Variants in ERC2 observed in about 807,000 individuals in gnomAD.
ERC2 encodes ERC protein 2.
In ERC2, 42 loss-of-function variants were observed where a neutral mutation model predicts 114.8. That is an observed-to-expected ratio of 0.37 (90% CI 0.29 to 0.47). The LOEUF is 0.47. ERC2 is among the 20% of genes least tolerant of loss of function. ERC2 has a pLI of 0.99. For synonymous variants in ERC2, 454 were observed against 425.5 expected (o/e 1.07, Z -0.82); for missense variants, 939 against 1,150.7 (o/e 0.82, Z 2.66).
At chr3:55,677,746 T>A (rs939249591) in intron 17 of ERC2, among the ~76,000 whole-genome samples, 1 of 152,174 alleles carries the variant, frequency 6.6e-6, no homozygotes, top group Admixed American at 6.5e-5. Flanking sequence ...GGCCCCTCTA[T>A]CTGCTGAGGA....
At chr3:56,042,309 G>A (rs2075237660) in intron 7 of ERC2, among the ~76,000 whole-genome samples, 1 of 152,228 alleles carries the variant, frequency 6.6e-6, no homozygotes, top group African/African-American at 2.4e-5. Flanking sequence ...AACTCACTGT[G>A]TTGGTAAATA....
At chr3:56,316,351 C>A (rs1456452553) in intron 2 of ERC2, among the ~76,000 whole-genome samples, 1 of 152,086 alleles carries the variant, frequency 6.6e-6, no homozygotes, top group Non-Finnish European at 1.5e-5. Context: ...ATAGTATCTG[C>A]GAAGCAACTC....
intron 2 of ERC2, among the ~76,000 whole-genome samples, chr3:56,351,893 C>A (rs13098894): frequency 0.31 from 46,615 of 152,066 alleles, 7,290 homozygotes; most frequent in Admixed American, 0.34. Flanking sequence ...ATTACAGACA[C>A]GTAATAAGTC....
At chr3:56,422,283 T>C (rs951593618) in intron 2 of ERC2, among the ~76,000 whole-genome samples, 9 of 152,188 alleles carry the variant, frequency 5.9e-5, no homozygotes, top group Admixed American at 5.9e-4. Flanking sequence ...TCTGCTCTTG[T>C]AGATTCAGGG....
intron 17 of ERC2, among the ~76,000 whole-genome samples, chr3:55,575,152 T>G (rs1226196302): frequency 6.6e-6 from 1 of 152,160 alleles, no homozygotes; most frequent in East Asian, 1.9e-4. Context: ...GTAGCTGGGA[T>G]TACAGGCATG....
At position 56,327,600 on chromosome 3, in the gene ERC2, A is replaced by C. The variant is rs910525182; in HGVS notation, c.658-31165T>G. ...CTGAGGCAGAAGAATCGCTTGAACC[A>C]GGGAGGCGTAGGTTGCAATGAGCTG... On this transcript the variant is annotated intron_variant, in intron 2 of 17. Coordinates refer to ENST00000288221, the MANE Select transcript of ERC2 (RefSeq NM_015576.3). 2.0e-5 allele frequency among the ~76,000 whole-genome samples: 3 copies of C among 152,148 alleles called. No individual in the cohort carries two copies. In the South Asian group the frequency reaches 6.2e-4, roughly 32 times the overall value.
chr3:56,006,500 A>G (rs1265780309), intron 10 of ERC2, among the ~76,000 whole-genome samples: 1 of 152,036 alleles, frequency 6.6e-6, no homozygotes, highest in African/African-American at 2.4e-5. Flanking sequence ...TATGTGAACA[A>G]TGAGTGCAGA....
chr3:55,988,977 G>A (rs907164030), intron 11 of ERC2, among the ~76,000 whole-genome samples: 1 of 152,234 alleles, frequency 6.6e-6, no homozygotes, highest in Non-Finnish European at 1.5e-5. Flanking sequence ...GGCAGGCCAA[G>A]GCTGAGCCCT....
chr3:55,977,011 C>T (rs949547648), intron 12 of ERC2, among the ~76,000 whole-genome samples: 1 of 152,220 alleles, frequency 6.6e-6, no homozygotes, highest in East Asian at 1.9e-4. Flanking sequence ...AGAGAGAAGG[C>T]TCTATCCATG....
At chr3:55,562,211 G>C (rs1302664948) in intron 17 of ERC2, among the ~76,000 whole-genome samples, 1 of 150,874 alleles carries the variant, frequency 6.6e-6, no homozygotes, top group Non-Finnish European at 1.5e-5. Context: ...GAGTGCAATG[G>C]TGTGATCCCT....
chr3:56,429,671 T>G (rs941521152), intron 2 of ERC2, among the ~76,000 whole-genome samples: 33 of 152,208 alleles, frequency 2.2e-4, no homozygotes, highest in African/African-American at 7.2e-4. Flanking sequence ...GTATTTATAT[T>G]CATGTAGAGC....
intron 14 of ERC2, among the ~76,000 whole-genome samples, chr3:55,786,294 C>T (rs1352451175): frequency 6.6e-6 from 1 of 152,208 alleles, no homozygotes; most frequent in African/African-American, 2.4e-5. Context: ...ATAGAGCTTT[C>T]TACCCACTGA....
intron 2 of ERC2, 117 bp downstream of exon 2, chr3:56,434,234 A>G: frequency 8.2e-6 from 7 of 854,502 alleles, no homozygotes; most frequent in South Asian, 6.9e-5. Flanking sequence ...ATACTAAGCC[A>G]TAACCTTCTT....
At chr3:55,756,455 C>T (rs2067065575) in intron 14 of ERC2, among the ~76,000 whole-genome samples, 1 of 152,144 alleles carries the variant, frequency 6.6e-6, no homozygotes, top group Non-Finnish European at 1.5e-5. Flanking sequence ...CCATGGGACA[C>T]AAGGAATGGG....
chr3:55,922,699 G>A (rs1279571906), intron 13 of ERC2, among the ~76,000 whole-genome samples: 2 of 152,078 alleles, frequency 1.3e-5, no homozygotes, highest in African/African-American at 4.8e-5. Context: ...ATTCCCAGCT[G>A]AAACTGCATC....
intron 12 of ERC2, among the ~76,000 whole-genome samples, chr3:55,959,675 T>G (rs1424113579): frequency 6.6e-6 from 1 of 152,184 alleles, no homozygotes; most frequent in East Asian, 1.9e-4. Context: ...ACCAAACAAA[T>G]TTCTTATCAC....
intron 13 of ERC2, among the ~76,000 whole-genome samples, chr3:55,905,373 G>A (rs533444314): frequency 2.5e-4 from 38 of 152,204 alleles, no homozygotes; most frequent in African/African-American, 5.5e-4. Flanking sequence ...GAGCCACCAC[G>A]CACATTCTTC....
At chr3:55,512,855 C>G (rs72868653) in intron 17 of ERC2, among the ~76,000 whole-genome samples, 2,185 of 152,264 alleles carry the variant, frequency 0.014, 53 homozygotes, top group African/African-American at 0.05. Flanking sequence ...ATCCATTCAC[C>G]AGGAGGCCTA....
intron 2 of ERC2, among the ~76,000 whole-genome samples, chr3:56,420,122 T>A (rs1208029321): frequency 6.6e-6 from 1 of 151,906 alleles, no homozygotes; most frequent in African/African-American, 2.4e-5. Context: ...TTTCCATTCC[T>A]TCTCAGATAA....
Sources: gnomAD v4.1 joint callset for allele counts (sites outside exome capture counted in the v4.1 genomes callset) on GRCh38, gnomAD v4.1.1 for gene constraint, MANE v1.5 for transcripts, NCBI Gene and HGNC (gene_info 2026-07-23, HGNC 2026-07-21) for gene names.